The following MMP26 variants were observed in gnomAD, a reference collection of about 807,000 sequenced individuals.
MMP26 encodes the protein matrix metallopeptidase 26, also known as matrix metalloproteinase-26.
In MMP26, 33 loss-of-function variants were observed where a neutral mutation model predicts 31.0. That is an observed-to-expected ratio of 1.06 (90% CI 0.81 to 1.42). The LOEUF is 1.42. MMP26 is among the 40% of genes most tolerant of loss of function. The pLI, the probability that MMP26 is intolerant of heterozygous loss-of-function variation, is 0.00. For synonymous variants in MMP26, 122 were observed against 114.9 expected (o/e 1.06, Z -0.40); for missense variants, 347 against 316.1 (o/e 1.10, Z -0.74).
intron 2 of MMP26, among the ~76,000 whole-genome samples, chr11:4,892,990 T>C (rs1196744983): frequency 1.3e-5 from 2 of 152,126 alleles, no homozygotes; most frequent in African/African-American, 2.4e-5. Context: ...GATTTAACCA[T>C]CCGGCTTTGG....
chr11:4,788,841 A>G (rs1197802286), intron 2 of MMP26, among the ~76,000 whole-genome samples: 1 of 152,136 alleles, frequency 6.6e-6, no homozygotes, highest in Non-Finnish European at 1.5e-5. Flanking sequence ...TAGACAATAT[A>G]TTCAATGTTG....
intron 2 of MMP26, chr11:4,871,827 C>G (rs1850314643): frequency 6.6e-6 from 1 of 152,066 alleles, no homozygotes; most frequent in South Asian, 2.1e-4. Flanking sequence ...ATGGACAGTT[C>G]TTAGAAAAAT....
chr11:4,850,324 C>A (rs1849957817), intron 2 of MMP26, among the ~76,000 whole-genome samples: 1 of 152,156 alleles, frequency 6.6e-6, no homozygotes, highest in South Asian at 2.1e-4. Flanking sequence ...TCAGAGTCAT[C>A]AGTTAGGAAA....
intron 2 of MMP26, among the ~76,000 whole-genome samples, chr11:4,933,264 CA>C (rs1488606327): frequency 6.6e-6 from 1 of 151,894 alleles, no homozygotes; most frequent in African/African-American, 2.4e-5. Flanking sequence ...TTTATTTATT[CA>C]AAATTATCTG....
At chr11:4,854,322 G>A (rs747407108) in intron 2 of MMP26, among the ~76,000 whole-genome samples, 1 of 152,218 alleles carries the variant, frequency 6.6e-6, no homozygotes, top group Non-Finnish European at 1.5e-5. Context: ...GCCAAGGGAA[G>A]CTGTGACAGA....
chr11:4,955,555 T>C (rs1412780203), intron 2 of MMP26: 1 of 1,361,100 alleles, frequency 7.3e-7, no homozygotes, highest in Non-Finnish European at 1.0e-6. Flanking sequence ...AGGAGGGCTC[T>C]GTCTTGATGA....
intron 1 of MMP26, chr11:4,710,297 T>G (rs1224919936): frequency 2.2e-6 from 1 of 456,836 alleles, no homozygotes; most frequent in Non-Finnish European, 4.4e-6. Context: ...TTGGTACCTG[T>G]GTCTCTCACA....
intron 2 of MMP26, among the ~76,000 whole-genome samples, chr11:4,909,775 G>A (rs1228226852): frequency 1.3e-5 from 2 of 152,082 alleles, no homozygotes; most frequent in Non-Finnish European, 2.9e-5. Flanking sequence ...CAGCTAAAAT[G>A]CTTCAGTAGC....
chr11:4,907,748 C>T, intron 2 of MMP26: 1 of 1,614,028 alleles, frequency 6.2e-7, no homozygotes, highest in South Asian at 1.1e-5. Context: ...TCTTGCCATT[C>T]ACAATCCCTT....
intron 2 of MMP26, chr11:4,803,722 G>T (rs765012421): frequency 4.3e-6 from 7 of 1,613,668 alleles, no homozygotes; most frequent in Non-Finnish European, 5.9e-6. Flanking sequence ...CATCACGTAT[G>T]ACATACCAAT....
At chr11:4,975,630 C>T (rs906350991) in intron 2 of MMP26, among the ~76,000 whole-genome samples, 15 of 152,026 alleles carry the variant, frequency 9.9e-5, no homozygotes, top group African/African-American at 3.1e-4. Context: ...GTGCACCTTT[C>T]GCTGCTTGAG....
In MMP26 at chr11:4,991,422, C is replaced by G; in HGVS notation, c.521C>G (p.Ala174Gly). 2 of 1,614,000 alleles carry G rather than the reference C, an allele frequency of 1.2e-6. No individual in the cohort carries two copies. The highest frequency in any genetic ancestry group is 1.7e-6 in the Non-Finnish European group (2 of 1,179,896). Reference protein sequence around the residue: ...FDGPGGILGHAFLPNSGNPGV... With the variant: ...FDGPGGILGHGFLPNSGNPGV... ...GGGCCAGGTGGTATCTTAGGCCATG[C>G]CTTTTTACCAAATTCTGGAAATCCT... The change falls in exon 6 of 8, where the codon GCC (alanine) becomes GGC (glycine). Residue 174 changes from alanine (A) to glycine (G), a missense_variant. Physicochemically the swap from Ala to Gly is moderately conservative, Grantham distance 60. Transcript: ENST00000380390.
chr11:4,848,694 G>A, intron 2 of MMP26: 1 of 1,614,090 alleles, frequency 6.2e-7, no homozygotes, highest in Non-Finnish European at 8.5e-7. Flanking sequence ...GGGCATGTAG[G>A]CCAGCAGGAA....
intron 1 of MMP26, among the ~76,000 whole-genome samples, chr11:4,714,695 C>T (rs557000997): frequency 6.6e-5 from 10 of 151,916 alleles, no homozygotes; most frequent in South Asian, 2.1e-4. Context: ...GTTTGTATGA[C>T]GGTATAACAA....
At position 4,986,252 on chromosome 11, in the gene MMP26, G is replaced by A. The variant is rs11035003; in HGVS notation, c.-144-1816G>A. 5.9e-5 allele frequency among the ~76,000 whole-genome samples: 9 copies of A among 152,090 alleles called. No homozygotes were observed. In the East Asian group the frequency reaches 1.5e-3, roughly 26 times the overall value. On this transcript the variant is annotated intron_variant, in intron 2 of 7. Transcript: ENST00000380390. ...TACTATATTTTAATCTATACCAAAGGTTTAAAACACAGAATTGCCTTATAA... is the reference window on the plus strand; with the variant it reads ...TACTATATTTTAATCTATACCAAAGATTTAAAACACAGAATTGCCTTATAA...
intron 1 of MMP26, among the ~76,000 whole-genome samples, chr11:4,753,440 C>G (rs74052084): frequency 9.9e-5 from 15 of 152,006 alleles, no homozygotes; most frequent in Non-Finnish European, 1.5e-4. Context: ...CTCTTGTACT[C>G]TCATCATTTT....
At chr11:4,976,631 A>G (rs1018927729) in intron 2 of MMP26, among the ~76,000 whole-genome samples, 1 of 151,990 alleles carries the variant, frequency 6.6e-6, no homozygotes, top group African/African-American at 2.4e-5. Context: ...GTGCCTTTTT[A>G]GTGGAACAAA....
intron 2 of MMP26, among the ~76,000 whole-genome samples, chr11:4,922,053 C>T (rs1304280562): frequency 6.6e-6 from 1 of 152,138 alleles, no homozygotes; most frequent in Non-Finnish European, 1.5e-5. Flanking sequence ...ACACTATGTC[C>T]AGGTGTAAAC....
At chr11:4,772,484 A>G (rs1468851360) in intron 2 of MMP26, among the ~76,000 whole-genome samples, 1 of 152,162 alleles carries the variant, frequency 6.6e-6, no homozygotes, top group African/African-American at 2.4e-5. Flanking sequence ...TCCATTCTCA[A>G]ATCCATTCTT....
Sources: allele counts gnomAD v4.1 joint callset (sites outside exome capture counted in the v4.1 genomes callset), GRCh38; gene constraint gnomAD v4.1.1; transcripts MANE v1.5; gene names NCBI Gene and HGNC (gene_info 2026-07-23, HGNC 2026-07-21).